The following OR9Q1 variants were observed in gnomAD, a reference collection of about 807,000 sequenced individuals.
OR9Q1 encodes olfactory receptor family 9 subfamily Q member 1.
For synonymous variants in OR9Q1, 153 were observed against 148.6 expected, an observed-to-expected ratio of 1.03 and a Z score of -0.22; for missense variants, 374 against 378.8, an observed-to-expected ratio of 0.99 and a Z score of 0.11.
At chr11:58,075,526 T>G (rs1349909971) in intron 2 of OR9Q1, 1 of 152,246 alleles carries the variant, frequency 6.6e-6, no homozygotes. Flanking sequence ...TAGGTCATGA[T>G]AGCAGAACCT....
At chr11:58,141,182 C>T (rs1216231664) in intron 2 of OR9Q1, among the ~76,000 whole-genome samples, 2 of 152,160 alleles carry the variant, frequency 1.3e-5, no homozygotes, top group Non-Finnish European at 2.9e-5. Flanking sequence ...AATTTGACTT[C>T]CTCTTTTCCT....
intron 1 of OR9Q1, among the ~76,000 whole-genome samples, chr11:58,035,201 G>T (rs1338531408): frequency 6.6e-6 from 1 of 151,928 alleles, no homozygotes; most frequent in Non-Finnish European, 1.5e-5. Flanking sequence ...TAATTGCAAG[G>T]GTAGTAAAAA....
chr11:58,080,065 G>T (rs1029627433), intron 2 of OR9Q1, among the ~76,000 whole-genome samples: 3 of 152,064 alleles, frequency 2.0e-5, no homozygotes, highest in Non-Finnish European at 4.4e-5. Flanking sequence ...TACATGTGCA[G>T]GCTTGTTACA....
chr11:58,169,377 TATC>T (rs1221705128), intron 2 of OR9Q1, among the ~76,000 whole-genome samples: 1 of 152,174 alleles, frequency 6.6e-6, no homozygotes, highest in Non-Finnish European at 1.5e-5. Flanking sequence ...TTTTAAATAT[TATC>T]ATCCTCTTTT....
In OR9Q1 at chr11:58,150,533, T is replaced by A. The variant is rs184869488; in HGVS notation, c.-14-28898T>A. Among the ~76,000 whole-genome samples the A allele has an allele frequency of 9.8e-4, 149 of 152,310 alleles. 3 individuals are homozygous for A. Among genetic ancestry groups the A allele is most frequent in the African/African-American group, 3.2e-3 (135 of 41,560 alleles). ...TAAGGATATTTCAATCAACGATGGA[T>A]CACACATCAATGACGGTTCCATGAG... On this transcript the variant is annotated intron_variant, in intron 2 of 2. Transcript: ENST00000335397.
intron 2 of OR9Q1, among the ~76,000 whole-genome samples, chr11:58,159,407 G>C (rs1221125082): frequency 1.3e-5 from 2 of 152,050 alleles, no homozygotes; most frequent in Non-Finnish European, 2.9e-5. Context: ...TCCTCGTATG[G>C]GAAGATACAG....
intron 1 of OR9Q1, among the ~76,000 whole-genome samples, chr11:58,042,316 T>C (rs1180630690): frequency 6.6e-6 from 1 of 152,102 alleles, no homozygotes; most frequent in Non-Finnish European, 1.5e-5. Flanking sequence ...TTGAATTAAT[T>C]TTTGTATAAG....
At chr11:58,069,121 T>C (rs1853461986) in intron 2 of OR9Q1, among the ~76,000 whole-genome samples, 1 of 152,150 alleles carries the variant, frequency 6.6e-6, no homozygotes, top group Admixed American at 6.5e-5. Flanking sequence ...ATTTGCTTTG[T>C]GACTGTTACT....
chr11:58,123,986 A>G (rs1854063098), intron 2 of OR9Q1, among the ~76,000 whole-genome samples: 2 of 152,208 alleles, frequency 1.3e-5, no homozygotes, highest in South Asian at 4.1e-4. Flanking sequence ...AATTTTTTCA[A>G]TAATAAAATG....
At chr11:58,056,809 G>C (rs1266190625) in intron 2 of OR9Q1, among the ~76,000 whole-genome samples, 4 of 152,044 alleles carry the variant, frequency 2.6e-5, no homozygotes, top group Non-Finnish European at 5.9e-5. Context: ...ATCTCTGGTT[G>C]GTGTAGGCAG....
intron 2 of OR9Q1, among the ~76,000 whole-genome samples, chr11:58,177,768 C>G (rs1854619273): frequency 6.6e-6 from 1 of 152,178 alleles, no homozygotes; most frequent in South Asian, 2.1e-4. Context: ...TAGCACATTT[C>G]CCTTTGCAAG....
At chr11:58,125,314 T>C (rs1854080739) in intron 2 of OR9Q1, 1 of 138,048 alleles carries the variant, frequency 7.2e-6, no homozygotes, top group Non-Finnish European at 1.5e-5. Flanking sequence ...AGTCTGGTCA[T>C]GGTCCTATCA....
At chr11:58,146,859 C>T (rs1854303688) in intron 2 of OR9Q1, among the ~76,000 whole-genome samples, 1 of 152,134 alleles carries the variant, frequency 6.6e-6, no homozygotes, top group African/African-American at 2.4e-5. Context: ...GGGAGCAGGG[C>T]TTAGTGTGAG....
chr11:58,124,885 C>T (rs2120149131), intron 2 of OR9Q1, among the ~76,000 whole-genome samples: 1 of 152,242 alleles, frequency 6.6e-6, no homozygotes, highest in South Asian at 2.1e-4. Context: ...ATTGTAGACA[C>T]ATTAGTTCAT....
chr11:58,030,974 T>C, intron 1 of OR9Q1: 1 of 1,613,868 alleles, frequency 6.2e-7, no homozygotes, highest in South Asian at 1.1e-5. Flanking sequence ...TACCAAAAAC[T>C]GGACCCAGGT....
rs543688621 is a variant in OR9Q1 at position 58,109,852 on chromosome 11, C to A, written c.-15+53905C>A. 7.2e-5 allele frequency among the ~76,000 whole-genome samples: 11 copies of A among 152,264 alleles called. No homozygotes were observed. In the East Asian group the frequency reaches 2.1e-3, roughly 29 times the overall value. On this transcript the variant is annotated intron_variant, in intron 2 of 2. Coordinates refer to ENST00000335397, the MANE Select transcript of OR9Q1 (RefSeq NM_001005212.4). ...AGAGCTTTTATCTCTCTCTGCATCC[C>A]ACCTGAAATTGGACCTTGGTGCAGT...
intron 2 of OR9Q1, among the ~76,000 whole-genome samples, chr11:58,110,592 C>G (rs1853889753): frequency 1.3e-5 from 2 of 152,280 alleles, no homozygotes; most frequent in Middle Eastern, 3.4e-3. Context: ...GTTAAGGTGA[C>G]TTGTCAAAGA....
chr11:58,031,872 G>T, intron 1 of OR9Q1: 2 of 1,613,026 alleles, frequency 1.2e-6, no homozygotes, highest in Non-Finnish European at 8.5e-7. Context: ...GCTCTGGGTC[G>T]AGTCTTTTCT....
chr11:58,137,880 G>T (rs1355267957), intron 2 of OR9Q1, among the ~76,000 whole-genome samples: 1 of 152,158 alleles, frequency 6.6e-6, no homozygotes, highest in Non-Finnish European at 1.5e-5. Flanking sequence ...CTCTCTTAAT[G>T]TCAGTCATTA....
Sources: gnomAD v4.1 joint callset for allele counts (sites outside exome capture counted in the v4.1 genomes callset) on GRCh38, gnomAD v4.1.1 for gene constraint, MANE v1.5 for transcripts, NCBI Gene and HGNC (gene_info 2026-07-23, HGNC 2026-07-21) for gene names.